The following C8orf34 variants were observed in gnomAD, a reference collection of about 807,000 sequenced individuals.
The protein encoded by C8orf34 is chromosome 8 open reading frame 34, also known as uncharacterized protein C8orf34.
C8orf34 carries 65 observed loss-of-function variants against 68.3 expected under a neutral mutation model. That is an observed-to-expected ratio of 0.95 (90% CI 0.78 to 1.17). C8orf34 has a LOEUF of 1.17. C8orf34 is among the 50% of genes most tolerant of loss of function. The pLI is 0.00. For synonymous variants in C8orf34, 244 were observed against 241.2 expected (o/e 1.01, Z -0.11); for missense variants, 664 against 655.4 (o/e 1.01, Z -0.14).
intron 2 of C8orf34, among the ~76,000 whole-genome samples, chr8:68,443,233 GA>G (rs1437191293): frequency 6.6e-6 from 1 of 152,094 alleles, no homozygotes; most frequent in Non-Finnish European, 1.5e-5. Flanking sequence ...TGGCCCAGAG[GA>G]AGAGGAAAAA....
Position 68,712,299 on chromosome 8 carries a change from G to C in C8orf34, c.1327+3220G>C, listed in dbSNP as rs1333646465. ...CAATGAAAAAAAACTTGGGTATTCA[G>C]GCAACAAACAGCACAACGAATAGAA... On this transcript the variant is annotated intron_variant, in intron 9 of 13. Coordinates refer to ENST00000518698, the MANE Select transcript of C8orf34 (RefSeq NM_052958.4). 2.0e-5 allele frequency among the ~76,000 whole-genome samples: 3 copies of C among 152,130 alleles called. No homozygotes were observed. The East Asian group carries it at 5.8e-4, about 29-fold the overall frequency.
chr8:68,335,453 C>T (rs1805811166), intron 1 of C8orf34, among the ~76,000 whole-genome samples: 3 of 151,974 alleles, frequency 2.0e-5, no homozygotes, highest in African/African-American at 7.2e-5. Context: ...AAGACTTTTC[C>T]TATATCAAAA....
At chr8:68,436,196 A>G (rs1164364253) in intron 1 of C8orf34, among the ~76,000 whole-genome samples, 1 of 152,214 alleles carries the variant, frequency 6.6e-6, no homozygotes, top group African/African-American at 2.4e-5. Context: ...CCTGGGTGAC[A>G]GAGTGAGACT....
intron 1 of C8orf34, among the ~76,000 whole-genome samples, chr8:68,435,640 T>A (rs946056538): frequency 3.9e-5 from 6 of 152,198 alleles, no homozygotes; most frequent in Non-Finnish European, 7.3e-5. Flanking sequence ...AAGATTAGTA[T>A]TTTTGTGCTT....
chr8:68,353,552 CAT>C (rs768160063), intron 1 of C8orf34, among the ~76,000 whole-genome samples: 57 of 148,540 alleles, frequency 3.8e-4, no homozygotes, highest in African/African-American at 1.2e-3. Context: ...TATATATACA[CAT>C]ATGTGTGTGT....
chr8:68,655,212 A>G (rs1276271193), intron 8 of C8orf34, among the ~76,000 whole-genome samples: 2 of 152,158 alleles, frequency 1.3e-5, no homozygotes, highest in Non-Finnish European at 2.9e-5. Context: ...TTTGGTGCAA[A>G]AATCTAAACT....
chr8:68,469,200 A>G (rs1262408441), intron 4 of C8orf34, among the ~76,000 whole-genome samples: 1 of 151,978 alleles, frequency 6.6e-6, no homozygotes, highest in Admixed American at 6.6e-5. Context: ...TGATGTCTCT[A>G]AACTTCTTAA....
At chr8:68,681,306 A>G (rs887674789) in intron 8 of C8orf34, among the ~76,000 whole-genome samples, 1 of 152,316 alleles carries the variant, frequency 6.6e-6, no homozygotes, top group South Asian at 2.1e-4. Context: ...AAGAAATTAT[A>G]AAAGTATTAT....
intron 12 of C8orf34, among the ~76,000 whole-genome samples, chr8:68,790,126 G>A (rs1473728581): frequency 6.6e-6 from 1 of 152,194 alleles, no homozygotes; most frequent in Non-Finnish European, 1.5e-5. Flanking sequence ...CATCAACCAG[G>A]TGCTGGGACA....
At chr8:68,562,729 A>G (rs1214534657) in intron 7 of C8orf34, among the ~76,000 whole-genome samples, 1 of 152,180 alleles carries the variant, frequency 6.6e-6, no homozygotes, top group Non-Finnish European at 1.5e-5. Flanking sequence ...GCATAACTAT[A>G]TTGCATAACT....
intron 7 of C8orf34, among the ~76,000 whole-genome samples, chr8:68,567,116 T>C (rs1176745740): frequency 6.6e-6 from 1 of 152,214 alleles, no homozygotes; most frequent in African/African-American, 2.4e-5. Flanking sequence ...TTTCTCGTTT[T>C]GGTATTAGAG....
chr8:68,381,767 T>C (rs1808050321), intron 1 of C8orf34, among the ~76,000 whole-genome samples: 1 of 125,828 alleles, frequency 7.9e-6, no homozygotes, highest in African/African-American at 3.0e-5. Context: ...AAAAAATAGG[T>C]ATATTAAATG....
chr8:68,386,260 T>C (rs868227555), intron 1 of C8orf34, among the ~76,000 whole-genome samples: 3 of 152,200 alleles, frequency 2.0e-5, no homozygotes, highest in Non-Finnish European at 4.4e-5. Context: ...GAACTTGGCA[T>C]GAATAATATG....
intron 12 of C8orf34, among the ~76,000 whole-genome samples, chr8:68,796,621 C>G (rs1404072388): frequency 6.6e-6 from 1 of 152,092 alleles, no homozygotes; most frequent in African/African-American, 2.4e-5. Flanking sequence ...CAAAGCAACT[C>G]TATAATTTTA....
chr8:68,520,928 A>G (rs1040989621), intron 5 of C8orf34, among the ~76,000 whole-genome samples: 10 of 152,220 alleles, frequency 6.6e-5, no homozygotes, highest in Non-Finnish European at 1.3e-4. Context: ...GCAATGCAAA[A>G]AGAAGAAACT....
At chr8:68,540,932 T>C (rs1815679153) in intron 7 of C8orf34, among the ~76,000 whole-genome samples, 1 of 152,176 alleles carries the variant, frequency 6.6e-6, no homozygotes, top group Non-Finnish European at 1.5e-5. Context: ...ATTAATTATA[T>C]GGAAGAGAAA....
At chr8:68,671,928 G>A (rs532661563) in intron 8 of C8orf34, among the ~76,000 whole-genome samples, 15 of 152,202 alleles carry the variant, frequency 9.9e-5, no homozygotes, top group Middle Eastern at 3.4e-3. Context: ...TCATTATAGG[G>A]GAGGAAAAAT....
intron 1 of C8orf34, among the ~76,000 whole-genome samples, chr8:68,384,063 T>C (rs2129620325): frequency 6.6e-6 from 1 of 152,288 alleles, no homozygotes; most frequent in East Asian, 1.9e-4. Flanking sequence ...TCAGAAGACA[T>C]GATAGGAAGG....
chr8:68,542,933 A>G (rs1289204358), intron 7 of C8orf34, among the ~76,000 whole-genome samples: 2 of 152,156 alleles, frequency 1.3e-5, no homozygotes, highest in Admixed American at 6.6e-5. Flanking sequence ...AAAGAGTAAT[A>G]CCATCATACT....
Sources: gnomAD v4.1 joint callset for allele counts (sites outside exome capture counted in the v4.1 genomes callset) on GRCh38, gnomAD v4.1.1 for gene constraint, MANE v1.5 for transcripts, NCBI Gene and HGNC (gene_info 2026-07-23, HGNC 2026-07-21) for gene names.